PRKN: variants seen among roughly 807,000 people sequenced by gnomAD.
PRKN encodes parkin RBR E3 ubiquitin protein ligase, also known as E3 ubiquitin-protein ligase parkin.
A neutral mutation model predicts 59.5 loss-of-function variants in PRKN; 56 were observed. The observed-to-expected ratio is 0.94, with a 90% confidence interval of 0.76 to 1.18. The LOEUF is 1.18. PRKN is among the 50% of genes most tolerant of loss of function. The probability of loss-of-function intolerance (pLI) is 0.00; values close to 1 mark genes in which losing one functional copy is unlikely to be tolerated. For synonymous variants in PRKN, 250 were observed against 222.1 expected, an observed-to-expected ratio of 1.13 and a Z score of -1.12; for missense variants, 657 against 596.4, an observed-to-expected ratio of 1.10 and a Z score of -1.06.
At chr6:162,061,146 G>A (rs1288354411) in intron 4 of PRKN, among the ~76,000 whole-genome samples, 3 of 152,096 alleles carry the variant, frequency 2.0e-5, no homozygotes, top group African/African-American at 7.2e-5. Flanking sequence ...ATATGTTCCC[G>A]AGCTAGTTGC....
intron 7 of PRKN, among the ~76,000 whole-genome samples, chr6:161,703,757 C>T (rs1786350960): frequency 1.4e-5 from 2 of 146,294 alleles, no homozygotes; most frequent in Admixed American, 1.4e-4. Context: ...GTCCTATTTA[C>T]ATAATTTGTA....
chr6:161,767,024 A>G (rs1789451518), intron 7 of PRKN, among the ~76,000 whole-genome samples: 1 of 152,220 alleles, frequency 6.6e-6, no homozygotes, highest in African/African-American at 2.4e-5. Flanking sequence ...GGCCTGCCCT[A>G]GTATCCAGTA....
At position 161,400,814 on chromosome 6, in the gene PRKN, A is replaced by G. The variant is rs1367468838; in HGVS notation, c.1084-13937T>C. Among the ~76,000 whole-genome samples the G allele has an allele frequency of 6.6e-6, 1 of 152,116 alleles. No individual in the cohort carries two copies. Among genetic ancestry groups the G allele is most frequent in the African/African-American group, 2.4e-5 (1 of 41,410 alleles). On this transcript the variant is annotated intron_variant, in intron 9 of 11. Coordinates refer to ENST00000366898, the MANE Select transcript of PRKN (RefSeq NM_004562.3). The surrounding 1 kb of genome is among the most constrained non-coding windows in gnomAD (Gnocchi z 4.2). ...ACTGCCCTGCAGTGAGAGCATATGA[A>G]TTTTTCTGCCACACACTCTGAGTCA...
At chr6:161,969,142 A>G (rs1417568514) in intron 6 of PRKN, among the ~76,000 whole-genome samples, 1 of 152,168 alleles carries the variant, frequency 6.6e-6, no homozygotes, top group East Asian at 1.9e-4. Context: ...GAAGGTGACA[A>G]TATGGATCAA....
At chr6:162,242,688 AG>A (rs1779030897) in intron 3 of PRKN, among the ~76,000 whole-genome samples, 1 of 152,188 alleles carries the variant, frequency 6.6e-6, no homozygotes, top group African/African-American at 2.4e-5. Context: ...AACAACTTTG[AG>A]GTACATCTGG....
intron 4 of PRKN, among the ~76,000 whole-genome samples, chr6:162,145,979 G>A (rs1782009096): frequency 6.6e-6 from 1 of 152,312 alleles, no homozygotes; most frequent in East Asian, 1.9e-4. Flanking sequence ...CTATGCAAAC[G>A]TACTTTCAAT....
At chr6:162,033,707 G>A (rs1171781346) in intron 5 of PRKN, among the ~76,000 whole-genome samples, 6 of 152,154 alleles carry the variant, frequency 3.9e-5, no homozygotes, top group African/African-American at 9.6e-5. Flanking sequence ...CTTAGAAATC[G>A]TTTTTTATCA....
intron 2 of PRKN, among the ~76,000 whole-genome samples, chr6:162,365,006 A>C (rs1785357694): frequency 7.6e-6 from 1 of 131,640 alleles, no homozygotes; most frequent in Admixed American, 8.1e-5. Context: ...GCCAATATGT[A>C]GTGTGGGATT....
chr6:162,032,905 C>A (rs1227677898), intron 5 of PRKN, among the ~76,000 whole-genome samples: 3 of 152,174 alleles, frequency 2.0e-5, no homozygotes, highest in Non-Finnish European at 4.4e-5. Context: ...AAGAAAGCTG[C>A]ATGTTTGAAG....
At chr6:162,007,053 C>T (rs957149586) in intron 5 of PRKN, among the ~76,000 whole-genome samples, 1 of 152,078 alleles carries the variant, frequency 6.6e-6, no homozygotes, top group African/African-American at 2.4e-5. Context: ...AATATACTAT[C>T]AGCCAATATC....
intron 4 of PRKN, among the ~76,000 whole-genome samples, chr6:162,110,931 G>A (rs1272960480): frequency 6.6e-6 from 1 of 152,160 alleles, no homozygotes; most frequent in African/African-American, 2.4e-5. Context: ...AAAAGGACTG[G>A]CCTGACGTCT....
intron 9 of PRKN, among the ~76,000 whole-genome samples, chr6:161,420,933 G>A (rs1788075694): frequency 6.6e-6 from 1 of 152,170 alleles, no homozygotes; most frequent in South Asian, 2.1e-4. Context: ...TACAATATTT[G>A]TGGTTTTCCT....
chr6:162,119,603 C>T (rs1043240636), intron 4 of PRKN, among the ~76,000 whole-genome samples: 1 of 152,086 alleles, frequency 6.6e-6, no homozygotes, highest in Non-Finnish European at 1.5e-5. Context: ...CCAGCAGTGG[C>T]GCGCTGTCCC....
intron 4 of PRKN, among the ~76,000 whole-genome samples, chr6:162,173,862 C>T (rs1033615897): frequency 3.9e-5 from 6 of 152,280 alleles, no homozygotes; most frequent in Admixed American, 2.0e-4. Context: ...GTATAAAGTG[C>T]TTGGCTGGAG....
chr6:162,347,576 A>T (rs1185475985), intron 2 of PRKN, among the ~76,000 whole-genome samples: 1 of 152,104 alleles, frequency 6.6e-6, no homozygotes, highest in Non-Finnish European at 1.5e-5. Flanking sequence ...AAGAGAATGT[A>T]TTATTTGTGA....
chr6:161,738,740 G>T (rs1205630894), intron 7 of PRKN, among the ~76,000 whole-genome samples: 1 of 152,154 alleles, frequency 6.6e-6, no homozygotes, highest in Non-Finnish European at 1.5e-5. Flanking sequence ...ACCTGCAGGT[G>T]GGGGTCCAGC....
chr6:162,547,514 T>A (rs1021199063), intron 1 of PRKN, among the ~76,000 whole-genome samples: 1 of 152,200 alleles, frequency 6.6e-6, no homozygotes, highest in Non-Finnish European at 1.5e-5. Context: ...TTTCTCCCAC[T>A]TAATAGAGGA....
chr6:162,213,804 T>TACACAC (rs58192789), intron 3 of PRKN, among the ~76,000 whole-genome samples: 15 of 126,640 alleles, frequency 1.2e-4, no homozygotes, highest in South Asian at 8.1e-4. Context: ...AAAAAAACCA[T>TACACAC]ACACACACAC....
chr6:162,563,364 C>T lies in PRKN; in HGVS notation c.8-119891G>A, dbSNP rs146412303. ...GAGAAAGCAAGAGAAGAGAACAAGA[C>T]TCTCTGTCTGGTAATCAAGAGAATT... On this transcript the variant is annotated intron_variant, in intron 1 of 11. Coordinates refer to ENST00000366898, the MANE Select transcript of PRKN (RefSeq NM_004562.3). Among the ~76,000 whole-genome samples the T allele has an allele frequency of 8.4e-4, 127 of 152,012 alleles. No individual in the cohort carries two copies. In the East Asian group the frequency reaches 0.019, roughly 23 times the overall value.
Sources: allele counts gnomAD v4.1 joint callset (sites outside exome capture counted in the v4.1 genomes callset), GRCh38; gene constraint gnomAD v4.1.1; non-coding constraint Gnocchi (gnomAD v3.1); transcripts MANE v1.5; gene names NCBI Gene and HGNC (gene_info 2026-07-23, HGNC 2026-07-21).